Variants in PKDCC observed in about 807,000 individuals in gnomAD.
The protein encoded by PKDCC is extracellular tyrosine-protein kinase PKDCC.
Under a neutral mutation model 44.7 loss-of-function variants are expected in PKDCC, and 35 were observed. The ratio of observed to expected loss-of-function variants is 0.78; its 90% CI spans 0.60 to 1.04. The LOEUF is 1.04. Among genes scored for constraint, PKDCC ranks in the 50% least tolerant of loss-of-function variants. The pLI, the probability that PKDCC is intolerant of heterozygous loss-of-function variation, is 0.00. For synonymous variants in PKDCC, 353 were observed against 303.3 expected (o/e 1.16, Z -1.70); for missense variants, 738 against 672.7 (o/e 1.10, Z -1.07).
rs115005569 is a variant in PKDCC at position 42,055,698 on chromosome 2, C to G, written c.1222+305C>G. The G allele has an allele frequency of 3.8e-3, 1,117 of 291,846 alleles. 14 individuals are homozygous for G. Among genetic ancestry groups the G allele is most frequent in the African/African-American group, 0.021 (991 of 46,290 alleles). 18.1% of individuals were successfully genotyped at this position (291,846 alleles called of 1,614,324 possible). On this transcript the variant is annotated intron_variant, in intron 5 of 6. Coordinates refer to ENST00000294964, the MANE Select transcript of PKDCC (RefSeq NM_138370.3). This position sits in a 1 kb window ranked among gnomAD's most constrained non-coding sequence, Gnocchi z 4.5. ...GACTTTGAGCAAGTTACCCCTTGAA[C>G]CTCACTTTCCTCATCTGTGAATTGG...
rs960937519 is a variant in PKDCC at position 42,054,788 on chromosome 2, G to A, written c.1035-153G>A. On this transcript the variant is annotated intron_variant, in intron 3 of 6. Coordinates refer to ENST00000294964, the MANE Select transcript of PKDCC (RefSeq NM_138370.3). The surrounding 1 kb of genome is among the most constrained non-coding windows in gnomAD (Gnocchi z 6.1). ...TAGCATGTGCCCAGAACCCTCCCCC[G>A]AGGCTGAGTAGACTTCACTGCGTTC... is the stretch of plus-strand genomic sequence containing the variant. 8.4e-5 allele frequency: 63 copies of A among 749,890 alleles called. No homozygotes were observed. Among genetic ancestry groups the A allele is most frequent in the South Asian group, 6.3e-5 (4 of 63,656 alleles). 46.5% of individuals were successfully genotyped at this position (749,890 alleles called of 1,614,324 possible).
rs1193554014 is a variant in PKDCC at position 42,054,831 on chromosome 2, T to C, written c.1035-110T>C. On this transcript the variant is annotated intron_variant, in intron 3 of 6. Transcript: ENST00000294964. The surrounding 1 kb of genome is among the most constrained non-coding windows in gnomAD (Gnocchi z 6.1). ...CTGCGTTCTGCCTGGTTGCTAGGCC[T>C]GAGGGATCCGGCTCCCTGGCCAGGT... is the stretch of plus-strand genomic sequence containing the variant. 3 of 1,038,936 alleles carry C rather than the reference T, an allele frequency of 2.9e-6. No homozygotes were observed. The East Asian group carries it at 7.1e-5, about 25-fold the overall frequency. 64.4% of individuals were successfully genotyped at this position (1,038,936 alleles called of 1,614,324 possible).
intron 1 of PKDCC, 51 bp from the exon 2 acceptor site, chr2:42,053,188 T>TGG: frequency 2.3e-6 from 3 of 1,287,286 alleles, no homozygotes; most frequent in Non-Finnish European, 3.3e-6. Flanking sequence ...AGCCCTTCCC[T>TGG]GTCCCCACCC....
In PKDCC at chr2:42,054,995, G is replaced by A; in HGVS notation, c.1089G>A (p.Leu363=). Reference sequence around the variant, plus strand: ...GTGCCCCGCCTTCACTGCGTCCTCTGCTGGACAGCATCGTCAACGCCACAG... The same window carrying A: ...GTGCCCCGCCTTCACTGCGTCCTCTACTGGACAGCATCGTCAACGCCACAG... ...PHSAPPSLRP[L]LDSIVNATGE... The change falls in exon 4 of 7, where the codon CTG becomes CTA. Residue 363 remains leucine (L), a synonymous_variant. Transcript: ENST00000294964. This position sits in a 1 kb window ranked among gnomAD's most constrained non-coding sequence, Gnocchi z 6.1. 4 of 1,614,050 alleles carry A rather than the reference G, an allele frequency of 2.5e-6. No homozygotes were observed. Among genetic ancestry groups the A allele is most frequent in the Non-Finnish European group, 2.5e-6 (3 of 1,179,954 alleles).
At position 42,055,402 on chromosome 2, in the gene PKDCC, C is replaced by A. The variant is rs1226234168; in HGVS notation, c.1222+9C>A. ...GGCAAGCAGCAGTACCGGTGAGTGGCCCCAAGCTGATCCACAGGGAAGCAA... is the reference window on the plus strand; with the variant it reads ...GGCAAGCAGCAGTACCGGTGAGTGGACCCAAGCTGATCCACAGGGAAGCAA... On this transcript the variant is annotated intron_variant, in intron 5 of 6. Coordinates refer to ENST00000294964, the MANE Select transcript of PKDCC (RefSeq NM_138370.3). The surrounding 1 kb of genome is among the most constrained non-coding windows in gnomAD (Gnocchi z 4.5). 1 of 1,610,322 alleles carries A rather than the reference C, an allele frequency of 6.2e-7. No individual in the cohort carries two copies. The highest frequency in any genetic ancestry group is 1.7e-5 in the Admixed American group (1 of 59,794).
chr2:42,055,187 G>A lies in PKDCC; in HGVS notation c.1115-99G>A. ...GCTCCCCCGCCCTCTGTTCACTGGG[G>A]CACAGGCTCTGGAGGCAGAGGTGGG... On this transcript the variant is annotated intron_variant, in intron 4 of 6. Transcript: ENST00000294964. The surrounding 1 kb of genome is among the most constrained non-coding windows in gnomAD (Gnocchi z 4.5). 7.6e-7 allele frequency: 1 copy of A among 1,320,576 alleles called. No individual in the cohort carries two copies. The highest frequency in any genetic ancestry group is 1.1e-6 in the Non-Finnish European group (1 of 940,998). The allele number at this position is 1,320,576 out of a possible 1,614,324, so 81.8% of individuals were successfully genotyped here. A position where few individuals can be genotyped will look rare whatever the true frequency, so the allele number is the denominator to read the frequency against.
rs971449822 is a variant in PKDCC, at chr2:42,057,973, C to T, written c.*285C>T. The T allele has an allele frequency of 2.2e-6, 1 of 461,218 alleles. No homozygotes were observed. The highest frequency in any genetic ancestry group is 2.0e-5 in the African/African-American group (1 of 51,122). 28.6% of individuals were successfully genotyped at this position (461,218 alleles called of 1,614,324 possible). On this transcript the variant is annotated 3_prime_UTR_variant, in exon 7 of 7. Transcript: ENST00000294964. ...GCTGTAAGCAAGCTCAGGCTAGTCTCCCCACTGGGGGCTGTGCCCCTCCCT... is the reference window on the plus strand; with the variant it reads ...GCTGTAAGCAAGCTCAGGCTAGTCTTCCCACTGGGGGCTGTGCCCCTCCCT...
Position 42,048,225 on chromosome 2 carries a change from C to G in PKDCC, c.26C>G (p.Ala9Gly). The G allele has an allele frequency of 8.1e-7, 1 of 1,240,568 alleles. No individual in the cohort carries two copies. Among genetic ancestry groups the G allele is most frequent in the South Asian group, 2.0e-5 (1 of 50,406 alleles). 76.8% of individuals were successfully genotyped at this position (1,240,568 alleles called of 1,614,324 possible). A position where few individuals can be genotyped will look rare whatever the true frequency, so the allele number is the denominator to read the frequency against. Residue 9 changes from alanine to glycine, a missense_variant, in exon 1 of 7, where the codon GCC becomes GGC. Ala to Gly is a moderately conservative substitution (Grantham distance 60). Coordinates refer to ENST00000294964, the MANE Select transcript of PKDCC (RefSeq NM_138370.3). The surrounding 1 kb of genome is among the most constrained non-coding windows in gnomAD (Gnocchi z 6.2). MRRRRAAV[A>G]AGFCASFLLG... ...ATGCGGCGCCGGCGGGCGGCAGTGG[C>G]CGCGGGTTTCTGCGCCTCCTTCCTG...
In PKDCC at chr2:42,057,928, C is replaced by G. The variant is rs1323910618; in HGVS notation, c.*240C>G. The G allele has an allele frequency of 3.7e-6, 2 of 545,790 alleles. No homozygotes were observed. The highest frequency in any genetic ancestry group is 6.6e-6 in the Non-Finnish European group (2 of 304,652). The allele number at this position is 545,790 out of a possible 1,614,324, so 33.8% of individuals were successfully genotyped here. The stretch of plus-strand genomic sequence containing the variant: ...TAGTCCAGGAATCATGGGGGTATGA[C>G]TGCCTCTCCAACCCTGTGGGCTGTA... On this transcript the variant is annotated 3_prime_UTR_variant, in exon 7 of 7. Coordinates refer to ENST00000294964, the MANE Select transcript of PKDCC (RefSeq NM_138370.3).
Position 42,048,187 on chromosome 2 carries a change from G to T in PKDCC, c.-13G>T. The stretch of plus-strand genomic sequence containing the variant: ...GAGCCGCGCGGGGCCGGCCGGCCGG[G>T]GGGAGGGGAGCGATGCGGCGCCGGC... On this transcript the variant is annotated 5_prime_UTR_variant, in exon 1 of 7. Coordinates refer to ENST00000294964, the MANE Select transcript of PKDCC (RefSeq NM_138370.3). This position sits in a 1 kb window ranked among gnomAD's most constrained non-coding sequence, Gnocchi z 6.2. 3 of 1,118,236 alleles carry T rather than the reference G, an allele frequency of 2.7e-6. No homozygotes were observed. Among genetic ancestry groups the T allele is most frequent in the East Asian group, 5.6e-5 (1 of 17,934 alleles). The allele number at this position is 1,118,236 out of a possible 1,614,324, so 69.3% of individuals were successfully genotyped here.
At position 42,054,323 on chromosome 2, in the gene PKDCC, G is replaced by T; in HGVS notation, c.1034+16G>T. On this transcript the variant is annotated intron_variant, in intron 3 of 6. Coordinates refer to ENST00000294964, the MANE Select transcript of PKDCC (RefSeq NM_138370.3). This position sits in a 1 kb window ranked among gnomAD's most constrained non-coding sequence, Gnocchi z 6.1. ...ATGCCTACAGGTGACCTCCACCCCT[G>T]ACTCGGGAACTCCATCGAAGGAGAA... 1.9e-6 allele frequency: 3 copies of T among 1,586,754 alleles called. No homozygotes were observed. The South Asian group carries it at 3.4e-5, about 18-fold the overall frequency.
intron 1 of PKDCC, among the ~76,000 whole-genome samples, chr2:42,053,030 G>C (rs1366447329): frequency 6.6e-6 from 1 of 152,230 alleles, no homozygotes; most frequent in African/African-American, 2.4e-5. Context: ...GAGTCGGAAG[G>C]GGTGAGGGGC....
rs534596867 is a variant in PKDCC, at chr2:42,048,503, C to G, written c.304C>G (p.Pro102Ala). The stretch of plus-strand genomic sequence containing the variant: ...CGGGCCCGGCCTGCCGCGCCCCCGG[C>G]CCCCTTGGGCCCGGCCCCTGTCCGA... The part of the protein sequence containing the change: ...PGGPGLPRPR[P>A]PWARPLSDGA... The change falls in exon 1 of 7, where the codon CCC (proline) becomes GCC (alanine). Residue 102 changes from proline to alanine, a missense_variant. Pro to Ala is a conservative substitution (Grantham distance 27). Coordinates refer to ENST00000294964, the MANE Select transcript of PKDCC (RefSeq NM_138370.3). The surrounding 1 kb of genome is among the most constrained non-coding windows in gnomAD (Gnocchi z 6.2). 6.4e-3 allele frequency: 6,985 copies of G among 1,086,786 alleles called. 22 individuals carry two copies. Among genetic ancestry groups the G allele is most frequent in the Non-Finnish European group, 7.4e-3 (6,649 of 896,756 alleles). 67.3% of individuals were successfully genotyped at this position (1,086,786 alleles called of 1,614,324 possible). A position where few individuals can be genotyped will look rare whatever the true frequency, so the allele number is the denominator to read the frequency against.
At position 42,048,805 on chromosome 2, in the gene PKDCC, G is replaced by A. The variant is rs550771485; in HGVS notation, c.606G>A (p.Leu202=). The part of the protein sequence containing the change: ...AAHKLLKEMV[L]LERLRHPNVL... Reference sequence around the variant, plus strand: ...ACAAGCTGCTTAAGGAGATGGTGCTGCTGGAGCGGCTGCGGCACCCCAACG... The same window carrying A: ...ACAAGCTGCTTAAGGAGATGGTGCTACTGGAGCGGCTGCGGCACCCCAACG... The change falls in exon 1 of 7, where the codon CTG becomes CTA. Residue 202 remains leucine, a synonymous_variant. Coordinates refer to ENST00000294964, the MANE Select transcript of PKDCC (RefSeq NM_138370.3). This position sits in a 1 kb window ranked among gnomAD's most constrained non-coding sequence, Gnocchi z 6.2. The A allele has an allele frequency of 2.7e-6, 4 of 1,473,552 alleles. No individual in the cohort carries two copies. The highest frequency in any genetic ancestry group is 4.0e-5 in the Admixed American group (2 of 50,542). 91.3% of individuals were successfully genotyped at this position (1,473,552 alleles called of 1,614,324 possible).
intron 1 of PKDCC, among the ~76,000 whole-genome samples, chr2:42,050,135 A>G (rs1667941838): frequency 6.6e-6 from 1 of 152,130 alleles, no homozygotes; most frequent in African/African-American, 2.4e-5. Context: ...CTGGTCAGAC[A>G]CTTGTGACCG....
chr2:42,053,256 C>A lies in PKDCC; in HGVS notation c.657C>A (p.Tyr219Ter). The change falls in exon 2 of 7, where the codon TAC becomes TAA. Residue 219 changes from tyrosine (Y) to a stop codon, truncating the protein, a stop_gained. Coordinates refer to ENST00000294964, the MANE Select transcript of PKDCC (RefSeq NM_138370.3). LOFTEE classifies it high-confidence loss of function. ...TTCCCCAGCTCTATGGCTACTGCTA[C>A]CAGGACAGCGAGGACATCCCAGACA... ...PNVLQLYGYC[Y>*]QDSEDIPDTL... is the part of the protein sequence containing the mutation. 1 of 1,556,660 alleles carries A rather than the reference C, an allele frequency of 6.4e-7. No individual in the cohort carries two copies. Among genetic ancestry groups the A allele is most frequent in the Middle Eastern group, 1.7e-4 (1 of 5,760 alleles).
At chr2:42,050,435 G>A (rs1016543187) in intron 1 of PKDCC, among the ~76,000 whole-genome samples, 2 of 152,136 alleles carry the variant, frequency 1.3e-5, no homozygotes, top group East Asian at 3.9e-4. Flanking sequence ...CCCTTCAGAC[G>A]GGTTTGATGT....
At position 42,048,914 on chromosome 2, in the gene PKDCC, A is replaced by T; in HGVS notation, c.639+76A>T. The T allele has an allele frequency of 7.4e-7, 1 of 1,354,508 alleles. No homozygotes were observed. The highest frequency in any genetic ancestry group is 2.6e-5 in the East Asian group (1 of 37,750). 83.9% of individuals were successfully genotyped at this position (1,354,508 alleles called of 1,614,324 possible). A position where few individuals can be genotyped will look rare whatever the true frequency, so the allele number is the denominator to read the frequency against. The stretch of plus-strand genomic sequence containing the variant: ...ACCTTGTCAACCTGGCTGGAAGAGA[A>T]CCCCTTGATCTGGAGTGCCAGTGAC... On this transcript the variant is annotated intron_variant, in intron 1 of 6. Transcript: ENST00000294964. The surrounding 1 kb of genome is among the most constrained non-coding windows in gnomAD (Gnocchi z 6.2).
rs376685077 is a variant in PKDCC at position 42,057,692 on chromosome 2, A to C, written c.*4A>C. ...ATATGTGAAGGCCTCTGGCTGACCT[A>C]TCTGAGGGCTCGGCTGACCAGCTGA... On this transcript the variant is annotated 3_prime_UTR_variant, in exon 7 of 7. Coordinates refer to ENST00000294964, the MANE Select transcript of PKDCC (RefSeq NM_138370.3). 1.1e-5 allele frequency: 18 copies of C among 1,613,282 alleles called. No homozygotes were observed. The highest frequency in any genetic ancestry group is 1.4e-5 in the Non-Finnish European group (16 of 1,179,626).
Sources: allele counts gnomAD v4.1 joint callset (sites outside exome capture counted in the v4.1 genomes callset), GRCh38; gene constraint gnomAD v4.1.1; non-coding constraint Gnocchi (gnomAD v3.1); transcripts MANE v1.5; gene names NCBI Gene and HGNC (gene_info 2026-07-23, HGNC 2026-07-21).